The following AMD1 variants were observed in gnomAD, a reference collection of about 807,000 sequenced individuals.
The protein encoded by AMD1 is adenosylmethionine decarboxylase 1, also known as S-adenosylmethionine decarboxylase proenzyme.
Under a neutral mutation model 40.2 loss-of-function variants are expected in AMD1, and 11 were observed. The observed-to-expected ratio is 0.27, with a 90% CI of 0.17 to 0.45. The LOEUF (loss-of-function observed/expected upper bound fraction) is 0.45. AMD1 is among the 20% of genes least tolerant of loss of function. The probability of loss-of-function intolerance (pLI) is 1.00; values close to 1 mark genes in which losing one functional copy is unlikely to be tolerated. For missense variants in AMD1, 257 were observed against 410.2 expected (o/e 0.63, Z 3.23); for synonymous variants, 121 against 130.8 (o/e 0.93, Z 0.51).
At chr6:110,842,546 A>C in the AMD1 span, among the ~76,000 whole-genome samples, 1 of 152,194 alleles carries the variant, frequency 6.6e-6, no homozygotes, top group African/African-American at 2.4e-5. Flanking sequence ...TGAGTAATAA[A>C]CTGTCATTTG....
At chr6:110,892,888 C>T in intron 7 of AMD1, 22 bp from the exon 8 acceptor site, 1 of 1,612,938 alleles carries the variant, frequency 6.2e-7, no homozygotes, top group Non-Finnish European at 8.5e-7. Context: ...CCATTCTTAA[C>T]ACTGTGAACT....
At chr6:110,892,536 A>G in intron 6 of AMD1, 93 bp downstream of exon 6, 3 of 1,556,372 alleles carry the variant, frequency 1.9e-6, no homozygotes, top group South Asian at 2.3e-5. Context: ...CAGGGTAACA[A>G]GTGCTAGTTT....
chr6:110,859,782 G>A, the AMD1 span, among the ~76,000 whole-genome samples: 1 of 152,124 alleles, frequency 6.6e-6, no homozygotes, highest in East Asian at 1.9e-4. Context: ...CGTTGTTGGG[G>A]CTAAGCCTGA....
chr6:110,882,160 C>T (rs1258319213), intron 1 of AMD1, among the ~76,000 whole-genome samples: 1 of 152,216 alleles, frequency 6.6e-6, no homozygotes, highest in Non-Finnish European at 1.5e-5. Flanking sequence ...GACACACAGT[C>T]TCACTCTGTC....
At chr6:110,867,942 T>C in the AMD1 span, among the ~76,000 whole-genome samples, 2 of 152,172 alleles carry the variant, frequency 1.3e-5, no homozygotes, top group Non-Finnish European at 2.9e-5. Flanking sequence ...ACCACATTGC[T>C]TATAAATGGC....
chr6:110,887,949 G>T (rs1785787130), intron 2 of AMD1, among the ~76,000 whole-genome samples: 1 of 152,096 alleles, frequency 6.6e-6, no homozygotes, highest in African/African-American at 2.4e-5. Flanking sequence ...GCCTCCCAAA[G>T]TGCTGGGATT....
At chr6:110,842,609 C>T in the AMD1 span, among the ~76,000 whole-genome samples, 1 of 152,090 alleles carries the variant, frequency 6.6e-6, no homozygotes, top group African/African-American at 2.4e-5. Flanking sequence ...CGTTTTCTGC[C>T]AACATTCAAG....
chr6:110,875,101 C>T lies in AMD1; in HGVS notation c.-5C>T, dbSNP rs758927681. 2.5e-6 allele frequency: 4 copies of T among 1,610,774 alleles called. No individual in the cohort carries two copies. In the South Asian group the frequency reaches 3.3e-5, roughly 13 times the overall value. On this transcript the variant is annotated 5_prime_UTR_variant, in exon 1 of 9. The change creates a new upstream start codon in the 5' untranslated region. Coordinates refer to ENST00000368885, the MANE Select transcript of AMD1 (RefSeq NM_001634.6). Reference sequence around the variant, plus strand: ...GGTTGTTGGTTGTTCGCTAGTCTCACGGTGATGGAAGCTGCACATTTTTTC... The same window carrying T: ...GGTTGTTGGTTGTTCGCTAGTCTCATGGTGATGGAAGCTGCACATTTTTTC...
At chr6:110,883,865 A>G (rs2115291357) in intron 1 of AMD1, among the ~76,000 whole-genome samples, 1 of 152,234 alleles carries the variant, frequency 6.6e-6, no homozygotes, top group Non-Finnish European at 1.5e-5. Flanking sequence ...TGCTGGGATT[A>G]CAGGCGTGAG....
upstream of AMD1, among the ~76,000 whole-genome samples, chr6:110,871,866 T>C (rs184915322): frequency 3.6e-4 from 55 of 152,272 alleles, no homozygotes; most frequent in Non-Finnish European, 6.9e-4. Flanking sequence ...CATAAAGCCA[T>C]GGACTGGATG....
chr6:110,881,323 A>ACAC (rs1785399900), intron 1 of AMD1, among the ~76,000 whole-genome samples: 1 of 152,128 alleles, frequency 6.6e-6, no homozygotes, highest in Non-Finnish European at 1.5e-5. Context: ...CATGCTGGCA[A>ACAC]CACCACCACC....
At chr6:110,840,181 C>T in the AMD1 span, among the ~76,000 whole-genome samples, 14 of 152,048 alleles carry the variant, frequency 9.2e-5, no homozygotes, top group Admixed American at 2.6e-4. Flanking sequence ...CCGACCTGGC[C>T]GTTCTCAGGA....
the AMD1 span, among the ~76,000 whole-genome samples, chr6:110,843,791 G>A: frequency 5.8e-4 from 88 of 152,070 alleles, no homozygotes; most frequent in African/African-American, 2.1e-3. Flanking sequence ...GTCTTGCCAT[G>A]TTGCCATGCT....
chr6:110,854,690 C>T, the AMD1 span, among the ~76,000 whole-genome samples: 5 of 152,128 alleles, frequency 3.3e-5, no homozygotes, highest in African/African-American at 1.2e-4. Flanking sequence ...TCAGGTGATC[C>T]ACCAGCCTCG....
the AMD1 span, among the ~76,000 whole-genome samples, chr6:110,829,968 C>T: frequency 6.6e-6 from 1 of 152,138 alleles, no homozygotes; most frequent in East Asian, 1.9e-4. Flanking sequence ...TTTAAGTGTC[C>T]TATTTTTCCC....
chr6:110,892,159 A>G lies in AMD1; in HGVS notation c.428-2A>G. The G allele has an allele frequency of 6.2e-7, 1 of 1,613,656 alleles. No homozygotes were observed. On this transcript the variant is annotated splice_acceptor_variant, in intron 4 of 8. Coordinates refer to ENST00000368885, the MANE Select transcript of AMD1 (RefSeq NM_001634.6). LOFTEE classifies it high-confidence loss of function. ...TTATTTTGCGTTCTCTTCCCTCAAC[A>G]GATGGAGCAGCATATTGTATGGGAC... is the stretch of plus-strand genomic sequence containing the variant.
the AMD1 span, chr6:110,858,188 G>A: frequency 1.5e-6 from 1 of 647,754 alleles, no homozygotes; most frequent in Non-Finnish European, 2.8e-6. Context: ...CCCCGCGCCT[G>A]CCAGGCCGTC....
At chr6:110,874,635 C>T (rs999325803), upstream of AMD1, 3 of 155,486 alleles carry the variant, frequency 1.9e-5, no homozygotes, top group Non-Finnish European at 2.9e-5. Flanking sequence ...CCGCGCTCTC[C>T]GCCAGGCCCT....
intron 1 of AMD1, among the ~76,000 whole-genome samples, chr6:110,877,428 AAG>A (rs1491552558): frequency 6.6e-6 from 1 of 152,274 alleles, no homozygotes; most frequent in African/African-American, 2.4e-5. Context: ...CAGCCTAGCA[AAG>A]AGAGTATCAT....
Sources: gnomAD v4.1 joint callset for allele counts (sites outside exome capture counted in the v4.1 genomes callset) on GRCh38, gnomAD v4.1.1 for gene constraint, MANE v1.5 for transcripts, NCBI Gene and HGNC (gene_info 2026-07-23, HGNC 2026-07-21) for gene names.